The following OSBPL8 variants were observed in gnomAD, a reference collection of about 807,000 sequenced individuals.
OSBPL8 encodes the protein oxysterol-binding protein-related protein 8.
OSBPL8 carries 59 observed loss-of-function variants against 125.5 expected under a neutral mutation model. The observed-to-expected ratio is 0.47, with a 90% CI of 0.38 to 0.58. OSBPL8 has a LOEUF of 0.58. OSBPL8 is among the 20% of genes least tolerant of loss of function. The probability of loss-of-function intolerance (pLI) is 0.00; values close to 1 mark genes in which losing one functional copy is unlikely to be tolerated. For missense variants in OSBPL8, 758 were observed against 1,047.8 expected, an observed-to-expected ratio of 0.72 and a Z score of 3.82; for synonymous variants, 330 against 338.9, an observed-to-expected ratio of 0.97 and a Z score of 0.29.
intron 4 of OSBPL8, among the ~76,000 whole-genome samples, chr12:76,418,790 G>GCCTC: frequency 6.6e-6 from 1 of 152,220 alleles, no homozygotes; most frequent in South Asian, 2.1e-4. Flanking sequence ...CCAAGATGGT[G>GCCTC]CCTCTGTGCT....
intron 4 of OSBPL8, among the ~76,000 whole-genome samples, chr12:76,442,981 G>A (rs1254830940): frequency 6.6e-6 from 1 of 152,150 alleles, no homozygotes; most frequent in Non-Finnish European, 1.5e-5. Context: ...CATATTTTTA[G>A]TGCTGCTAGA....
At chr12:76,381,355 C>T (rs60039306) in intron 15 of OSBPL8, among the ~76,000 whole-genome samples, 5,973 of 152,128 alleles carry the variant, frequency 0.039, 358 homozygotes, top group African/African-American at 0.13. Context: ...GACATCTGGG[C>T]CTGGAGTATA....
chr12:76,494,382 T>C (rs1592785673), intron 1 of OSBPL8, among the ~76,000 whole-genome samples: 1 of 151,986 alleles, frequency 6.6e-6, no homozygotes, highest in Non-Finnish European at 1.5e-5. Flanking sequence ...CACTGGAGGG[T>C]TCTGAGCAAG....
At chr12:76,400,007 C>A in intron 6 of OSBPL8, 33 bp from the exon 7 acceptor site, 4 of 1,513,214 alleles carry the variant, frequency 2.6e-6, no homozygotes, top group Non-Finnish European at 3.6e-6. Context: ...AAGATAAAAA[C>A]TCAACAGAAA....
chr12:76,491,228 A>T (rs1243653995), intron 1 of OSBPL8, among the ~76,000 whole-genome samples: 2 of 152,224 alleles, frequency 1.3e-5, no homozygotes, highest in African/African-American at 2.4e-5. Flanking sequence ...TTAGTTGATA[A>T]AACAGCGGCA....
chr12:76,360,830 C>A (rs556052768), intron 21 of OSBPL8, among the ~76,000 whole-genome samples: 7 of 152,326 alleles, frequency 4.6e-5, no homozygotes, highest in Non-Finnish European at 7.3e-5. Context: ...TTAGCAATGG[C>A]TGAAGCGGCT....
At chr12:76,558,683 A>G (rs2137561091) in intron 1 of OSBPL8, among the ~76,000 whole-genome samples, 1 of 152,298 alleles carries the variant, frequency 6.6e-6, no homozygotes, top group East Asian at 1.9e-4. Context: ...TGTGTCTCAT[A>G]AAGAAGAGTG....
At chr12:76,391,716 T>C (rs1953566881) in intron 10 of OSBPL8, among the ~76,000 whole-genome samples, 1 of 152,112 alleles carries the variant, frequency 6.6e-6, no homozygotes, top group Admixed American at 6.5e-5. Context: ...TGAGCTATGA[T>C]TGTGCCACTG....
At chr12:76,399,109 A>C (rs1953942625) in intron 7 of OSBPL8, among the ~76,000 whole-genome samples, 1 of 152,206 alleles carries the variant, frequency 6.6e-6, no homozygotes, top group Non-Finnish European at 1.5e-5. Flanking sequence ...CCCTAGAATT[A>C]GTTAACTGAA....
Position 76,399,761 on chromosome 12 carries a change from C to T in OSBPL8, c.468+112G>A, listed in dbSNP as rs1374777509. 6 of 665,406 alleles carry T rather than the reference C, an allele frequency of 9.0e-6. No homozygotes were observed. The African/African-American group carries it at 1.1e-4, about 12-fold the overall frequency. The allele number at this position is 665,406 out of a possible 1,614,324, so 41.2% of individuals were successfully genotyped here. A position where few individuals can be genotyped will look rare whatever the true frequency, so the allele number is the denominator to read the frequency against. ...TAATAGTTTCTTTGCCAGTGAAAAACAATCATTTTAGGAGCTGTTTTTGTC... is the reference window on the plus strand; with the variant it reads ...TAATAGTTTCTTTGCCAGTGAAAAATAATCATTTTAGGAGCTGTTTTTGTC... On this transcript the variant is annotated intron_variant, in intron 7 of 23. Coordinates refer to ENST00000261183, the MANE Select transcript of OSBPL8 (RefSeq NM_020841.5).
At chr12:76,545,959 T>A (rs1950771154) in intron 1 of OSBPL8, among the ~76,000 whole-genome samples, 1 of 152,180 alleles carries the variant, frequency 6.6e-6, no homozygotes, top group African/African-American at 2.4e-5. Context: ...GAGTTTGAAC[T>A]GCATGGGTCC....
chr12:76,416,366 A>G (rs1252236996), intron 4 of OSBPL8, among the ~76,000 whole-genome samples: 1 of 152,046 alleles, frequency 6.6e-6, no homozygotes, highest in Non-Finnish European at 1.5e-5. Flanking sequence ...TATGTATTAG[A>G]TAAGAAGGTA....
rs1340142365 is a variant in OSBPL8, at chr12:76,354,235, C to CT, written c.*1653dup. The CT allele has an allele frequency of 6.6e-6, 1 of 152,006 alleles. No homozygotes were observed. The highest frequency in any genetic ancestry group is 1.5e-5 in the Non-Finnish European group (1 of 67,728). 9.4% of individuals were successfully genotyped at this position (152,006 alleles called of 1,614,324 possible). ...TGGGTATAGGTAGATCTTATTTAAGCTTTTATCAATTTAAAACATCATTTC... is the reference window on the plus strand; with the variant it reads ...TGGGTATAGGTAGATCTTATTTAAGCTTTTTATCAATTTAAAACATCATTTC... On this transcript the variant is annotated 3_prime_UTR_variant, in exon 24 of 24. Coordinates refer to ENST00000261183, the MANE Select transcript of OSBPL8 (RefSeq NM_020841.5).
intron 12 of OSBPL8, among the ~76,000 whole-genome samples, chr12:76,388,589 T>C (rs1375463397): frequency 6.6e-6 from 1 of 152,230 alleles, no homozygotes; most frequent in Non-Finnish European, 1.5e-5. Context: ...TTTGTCAATG[T>C]GGTGGATAAA....
chr12:76,533,713 T>C (rs1218103956), intron 1 of OSBPL8, among the ~76,000 whole-genome samples: 3 of 152,214 alleles, frequency 2.0e-5, no homozygotes, highest in Non-Finnish European at 4.4e-5. Context: ...TTCTAAGCTG[T>C]TATCAAGTGC....
At chr12:76,370,146 C>A (rs565302737) in intron 19 of OSBPL8, among the ~76,000 whole-genome samples, 3 of 152,216 alleles carry the variant, frequency 2.0e-5, no homozygotes, top group South Asian at 4.2e-4. Context: ...GCTCAGGAAT[C>A]TACGCTTTTA....
chr12:76,462,509 C>G (rs1418720444), intron 2 of OSBPL8, among the ~76,000 whole-genome samples: 2 of 152,156 alleles, frequency 1.3e-5, no homozygotes, highest in African/African-American at 2.4e-5. Context: ...TTAGTAACTA[C>G]TGCTGACATA....
At chr12:76,365,140 G>A (rs535180242) in intron 21 of OSBPL8, among the ~76,000 whole-genome samples, 1 of 151,984 alleles carries the variant, frequency 6.6e-6, no homozygotes, top group Non-Finnish European at 1.5e-5. Flanking sequence ...ATTTTTTGTA[G>A]AGACAGAGTT....
At chr12:76,453,792 C>A (rs1280667154) in intron 3 of OSBPL8, among the ~76,000 whole-genome samples, 1 of 151,638 alleles carries the variant, frequency 6.6e-6, no homozygotes, top group Non-Finnish European at 1.5e-5. Flanking sequence ...ATTTGCAACA[C>A]CCATAATTAA....
Sources: allele counts gnomAD v4.1 joint callset (sites outside exome capture counted in the v4.1 genomes callset), GRCh38; gene constraint gnomAD v4.1.1; transcripts MANE v1.5; gene names NCBI Gene and HGNC (gene_info 2026-07-23, HGNC 2026-07-21).